Variants in ABCG2 observed in about 807,000 individuals in gnomAD.
ABCG2 encodes ATP binding cassette subfamily G member 2 (JR blood group).
A neutral mutation model predicts 73.5 loss-of-function variants in ABCG2; 80 were observed. The observed-to-expected ratio is 1.09, with a 90% CI of 0.91 to 1.31. ABCG2 has a LOEUF of 1.31. Among genes scored for constraint, ABCG2 ranks in the 50% most tolerant of loss-of-function variants. The probability of loss-of-function intolerance (pLI) is 0.00; values close to 1 mark genes in which losing one functional copy is unlikely to be tolerated. For synonymous variants in ABCG2, 269 were observed against 282.4 expected (o/e 0.95, Z 0.48); for missense variants, 796 against 786.2 (o/e 1.01, Z -0.15).
intron 1 of ABCG2, among the ~76,000 whole-genome samples, chr4:88,173,471 T>C (rs778581311): frequency 1.3e-4 from 20 of 152,180 alleles, no homozygotes; most frequent in Non-Finnish European, 2.6e-4. Context: ...CACTTGACAA[T>C]AATGCATTCT....
At position 88,156,091 on chromosome 4, in the gene ABCG2, G is replaced by T. The variant is rs10017678; in HGVS notation, c.-20+2295C>A. ...CAAGAAATGCATTAAAAAAGAAAAA[G>T]AGTCCGGGCATGATAGCTCACACCT... On this transcript the variant is annotated intron_variant, in intron 1 of 15. Coordinates refer to ENST00000237612, the MANE Select transcript of ABCG2 (RefSeq NM_004827.3). 6.3e-3 allele frequency among the ~76,000 whole-genome samples: 950 copies of T among 151,280 alleles called. 8 individuals are homozygous for T. Among genetic ancestry groups the T allele is most frequent in the African/African-American group, 0.022 (907 of 41,222 alleles).
intron 1 of ABCG2, among the ~76,000 whole-genome samples, chr4:88,195,900 C>T (rs1314213920): frequency 6.6e-6 from 1 of 152,156 alleles, no homozygotes; most frequent in African/African-American, 2.4e-5. Context: ...CTCAGGAGGC[C>T]ATATACCAGT....
chr4:88,199,539 C>T (rs960832240), intron 1 of ABCG2, among the ~76,000 whole-genome samples: 5 of 152,040 alleles, frequency 3.3e-5, no homozygotes, highest in Non-Finnish European at 7.3e-5. Flanking sequence ...GAAGAGAATG[C>T]AGTATATTTA....
intron 1 of ABCG2, among the ~76,000 whole-genome samples, chr4:88,190,211 G>C (rs1728630581): frequency 6.6e-6 from 1 of 152,118 alleles, no homozygotes; most frequent in Admixed American, 6.5e-5. Flanking sequence ...TTTTTATAGA[G>C]TTCAGAGTTC....
At chr4:88,208,413 A>G (rs964389767) in intron 1 of ABCG2, among the ~76,000 whole-genome samples, 9 of 152,224 alleles carry the variant, frequency 5.9e-5, no homozygotes, top group South Asian at 2.1e-4. Flanking sequence ...CCTAGCAATG[A>G]AAATGCAACA....
At chr4:88,179,707 T>A (rs763403689) in intron 1 of ABCG2, among the ~76,000 whole-genome samples, 4 of 151,782 alleles carry the variant, frequency 2.6e-5, no homozygotes, top group Non-Finnish European at 4.4e-5. Flanking sequence ...GGAATCAGAG[T>A]CCTAAAAATG....
At chr4:88,144,201 C>A (rs2622627) in intron 1 of ABCG2, among the ~76,000 whole-genome samples, 72,685 of 151,974 alleles carry the variant, frequency 0.48, 18,153 homozygotes, top group East Asian at 0.67. Context: ...TGTCCTAGAC[C>A]CCCTGCAAAG....
upstream of ABCG2, chr4:88,158,737 G>A: frequency 2.4e-6 from 1 of 413,950 alleles, no homozygotes; most frequent in African/African-American, 2.2e-5. Context: ...CGGCGCGCCC[G>A]AGCGCTCCCC....
At chr4:88,203,590 C>T (rs1055936835) in intron 1 of ABCG2, among the ~76,000 whole-genome samples, 3 of 151,944 alleles carry the variant, frequency 2.0e-5, no homozygotes, top group African/African-American at 4.8e-5. Context: ...CCTGTCCCTA[C>T]TAAAAATACA....
chr4:88,110,341 G>A (rs1396531524), intron 9 of ABCG2, among the ~76,000 whole-genome samples: 3 of 151,952 alleles, frequency 2.0e-5, no homozygotes, highest in Admixed American at 6.6e-5. Context: ...TCAGGAGTTC[G>A]AAGCCAGCCT....
chr4:88,140,125 G>A lies in ABCG2; in HGVS notation c.-19-111C>T. The A allele has an allele frequency of 2.3e-6, 2 of 884,192 alleles. 1 individual carries two copies. Among genetic ancestry groups the A allele is most frequent in the South Asian group, 3.5e-5 (2 of 56,490 alleles). The allele number at this position is 884,192 out of a possible 1,614,324, so 54.8% of individuals were successfully genotyped here. On this transcript the variant is annotated intron_variant, in intron 1 of 15. Coordinates refer to ENST00000237612, the MANE Select transcript of ABCG2 (RefSeq NM_004827.3). ...ATTTTTAAATGTGCGGCAATGAGCAGCTTCATTTCCAATGAATGGCCCATA... is the reference window on the plus strand; with the variant it reads ...ATTTTTAAATGTGCGGCAATGAGCAACTTCATTTCCAATGAATGGCCCATA...
intron 6 of ABCG2, among the ~76,000 whole-genome samples, chr4:88,119,134 C>T (rs79899550): frequency 3.3e-5 from 5 of 152,294 alleles, no homozygotes; most frequent in Non-Finnish European, 2.9e-5. Context: ...AAAACTCTCA[C>T]GAGATCTGAT....
chr4:88,174,441 T>C (rs1727875581), intron 1 of ABCG2, among the ~76,000 whole-genome samples: 1 of 152,204 alleles, frequency 6.6e-6, no homozygotes, highest in Non-Finnish European at 1.5e-5. Context: ...TGTTCCTGTG[T>C]TACTTTGCTG....
intron 15 of ABCG2, 148 bp downstream of exon 15, chr4:88,094,429 G>A (rs1009974451): frequency 5.2e-5 from 32 of 620,764 alleles, no homozygotes; most frequent in South Asian, 4.4e-4. Context: ...ACATGCATTC[G>A]CGCACAACTC....
chr4:88,169,718 C>A (rs566744786), intron 1 of ABCG2, among the ~76,000 whole-genome samples: 4 of 152,004 alleles, frequency 2.6e-5, no homozygotes, highest in Non-Finnish European at 5.9e-5. Flanking sequence ...ACGATGATTC[C>A]GTTTCTTCCT....
intron 1 of ABCG2, among the ~76,000 whole-genome samples, chr4:88,172,429 T>C (rs1203485723): frequency 1.3e-5 from 2 of 150,582 alleles, no homozygotes; most frequent in East Asian, 2.0e-4. Flanking sequence ...AATACAAAAA[T>C]GAACCAGGCA....
At chr4:88,117,050 G>C (rs184153802) in intron 7 of ABCG2, among the ~76,000 whole-genome samples, 2 of 152,074 alleles carry the variant, frequency 1.3e-5, no homozygotes, top group Non-Finnish European at 2.9e-5. Context: ...AGTGTCTGCC[G>C]GTCACAGTGG....
At chr4:88,103,087 T>G (rs887824548) in intron 10 of ABCG2, among the ~76,000 whole-genome samples, 12 of 152,128 alleles carry the variant, frequency 7.9e-5, no homozygotes, top group African/African-American at 2.7e-4. Context: ...CCAGAGCAGT[T>G]TTAAAAGTAT....
intron 2 of ABCG2, among the ~76,000 whole-genome samples, chr4:88,138,672 C>T (rs1300434842): frequency 6.6e-6 from 1 of 152,284 alleles, no homozygotes. Context: ...AAAGGCCTTT[C>T]TCATGGATAC....
Sources: allele counts gnomAD v4.1 joint callset (sites outside exome capture counted in the v4.1 genomes callset), GRCh38; gene constraint gnomAD v4.1.1; transcripts MANE v1.5; gene names NCBI Gene and HGNC (gene_info 2026-07-23, HGNC 2026-07-21).